The following C8orf89 variants were observed in gnomAD, a reference collection of about 807,000 sequenced individuals.
The protein encoded by C8orf89 is chromosome 8 open reading frame 89, also known as putative uncharacterized protein C8orf89.
A neutral mutation model predicts 15.8 loss-of-function variants in C8orf89; 14 were observed. The ratio of observed to expected loss-of-function variants is 0.89; its 90% CI spans 0.59 to 1.39. C8orf89 has a LOEUF of 1.39. C8orf89 is among the 40% of genes most tolerant of loss of function. The pLI is 0.00. For synonymous variants in C8orf89, 55 were observed against 62.2 expected (o/e 0.88, Z 0.54); for missense variants, 181 against 184.5 (o/e 0.98, Z 0.11).
chr8:73,256,659 C>T lies in C8orf89; in HGVS notation c.281+314G>A, dbSNP rs569709774. Among the ~76,000 whole-genome samples, 10 of 130,544 alleles carry T rather than the reference C, an allele frequency of 7.7e-5. No homozygotes were observed. In the South Asian group the frequency reaches 2.6e-3, roughly 34 times the overall value. The allele number at this position is 130,544 out of a possible 152,430, so 85.6% of individuals were successfully genotyped here. On this transcript the variant is annotated intron_variant, in intron 2 of 3. Transcript: ENST00000624510. Reference sequence around the variant, plus strand: ...AGGAGAATCGCTGGAATCCGGGAGGCGGAGGTTGCAGTGAGCCAAGATCAC... The same window carrying T: ...AGGAGAATCGCTGGAATCCGGGAGGTGGAGGTTGCAGTGAGCCAAGATCAC...
chr8:73,266,114 A>C, the C8orf89 span, among the ~76,000 whole-genome samples: 1 of 152,238 alleles, frequency 6.6e-6, no homozygotes, highest in African/African-American at 2.4e-5. Flanking sequence ...AGGTATCTTA[A>C]CTTTTAAAAA....
At chr8:73,241,950 A>G (rs1223217162) in intron 3 of C8orf89, among the ~76,000 whole-genome samples, 1 of 152,174 alleles carries the variant, frequency 6.6e-6, no homozygotes, top group African/African-American at 2.4e-5. Context: ...GATTATGCAG[A>G]AAAATGAAAC....
At chr8:73,261,508 G>C (rs938144463), upstream of C8orf89, among the ~76,000 whole-genome samples, 1 of 152,084 alleles carries the variant, frequency 6.6e-6, no homozygotes, top group Middle Eastern at 3.2e-3. Flanking sequence ...CCTCAGCAAT[G>C]GGGGAGTAGG....
chr8:73,241,862 A>G (rs1813013932), intron 3 of C8orf89, among the ~76,000 whole-genome samples: 1 of 152,208 alleles, frequency 6.6e-6, no homozygotes, highest in South Asian at 2.1e-4. Flanking sequence ...AGTGCCAAGA[A>G]TATACACTAG....
chr8:73,257,110 A>G lies in C8orf89; in HGVS notation c.144T>C (p.Phe48=). ...QKIKKEYTTA[F]GLEELKECIK... ...TACATTCCTTGAGCTCTTCTAGACC[A>G]AATGCTGTGGTATATTCTGGTTAAA... The change falls in exon 2 of 4, where the codon TTT becomes TTC. Residue 48 remains phenylalanine (F), a synonymous_variant. Coordinates refer to ENST00000624510, the MANE Select transcript of C8orf89 (RefSeq NM_001243237.3). 6.5e-7 allele frequency: 1 copy of G among 1,532,630 alleles called. No individual in the cohort carries two copies. The highest frequency in any genetic ancestry group is 8.7e-7 in the Non-Finnish European group (1 of 1,144,948). 94.9% of individuals were successfully genotyped at this position (1,532,630 alleles called of 1,614,324 possible).
the C8orf89 span, chr8:73,277,729 C>A: frequency 4.0e-6 from 3 of 747,410 alleles, no homozygotes; most frequent in Non-Finnish European, 7.6e-6. Context: ...GAGGGGGACA[C>A]CCAGCTCGTC....
the C8orf89 span, chr8:73,277,985 G>T: frequency 3.2e-5 from 20 of 622,882 alleles, 1 homozygote; most frequent in Non-Finnish European, 5.5e-5. Flanking sequence ...AGCCCCCAGG[G>T]CTCTTGCACC....
At chr8:73,271,747 A>G in the C8orf89 span, among the ~76,000 whole-genome samples, 1 of 152,174 alleles carries the variant, frequency 6.6e-6, no homozygotes, top group Non-Finnish European at 1.5e-5. Flanking sequence ...TGCAATTTAC[A>G]CAAGAAAGAG....
the C8orf89 span, among the ~76,000 whole-genome samples, chr8:73,280,175 A>G: frequency 1.3e-5 from 2 of 152,148 alleles, no homozygotes; most frequent in African/African-American, 4.8e-5. Context: ...TTTCTCTGTG[A>G]ACATTCCTTC....
At chr8:73,275,469 C>G in the C8orf89 span, among the ~76,000 whole-genome samples, 3 of 152,052 alleles carry the variant, frequency 2.0e-5, no homozygotes, top group African/African-American at 7.2e-5. Context: ...AACTCCTGAC[C>G]TCAAGTGATC....
chr8:73,274,384 C>A, the C8orf89 span, among the ~76,000 whole-genome samples: 1 of 152,146 alleles, frequency 6.6e-6, no homozygotes, highest in African/African-American at 2.4e-5. Flanking sequence ...ACCTCCTGAC[C>A]TTGTGATCCG....
chr8:73,256,815 T>TA, intron 2 of C8orf89, among the ~76,000 whole-genome samples, 158 bp downstream of exon 2: 1 of 110,398 alleles, frequency 9.1e-6, no homozygotes, highest in East Asian at 2.7e-4. Flanking sequence ...TCAAACTGAA[T>TA]AAAATAGCTT....
chr8:73,269,791 AAGCTGT>A, the C8orf89 span, among the ~76,000 whole-genome samples: 1 of 152,218 alleles, frequency 6.6e-6, no homozygotes, highest in Non-Finnish European at 1.5e-5. Context: ...AAGCTTCAAA[AAGCTGT>A]AGCTTTCACT....
chr8:73,265,821 C>T, the C8orf89 span, among the ~76,000 whole-genome samples: 1 of 152,178 alleles, frequency 6.6e-6, no homozygotes, highest in Non-Finnish European at 1.5e-5. Context: ...ATGTTTCCTT[C>T]CAGATTCCCT....
chr8:73,263,671 A>G (rs1349331539), upstream of C8orf89, among the ~76,000 whole-genome samples: 2 of 152,186 alleles, frequency 1.3e-5, no homozygotes, highest in African/African-American at 4.8e-5. Context: ...AACATCTGTC[A>G]TGTCAAGCAT....
At chr8:73,265,906 C>T in the C8orf89 span, among the ~76,000 whole-genome samples, 2 of 152,204 alleles carry the variant, frequency 1.3e-5, no homozygotes, top group Non-Finnish European at 2.9e-5. Context: ...CCCCTCTTTC[C>T]TCCTAAATCT....
the C8orf89 span, among the ~76,000 whole-genome samples, chr8:73,283,858 G>A: frequency 6.6e-6 from 1 of 151,874 alleles, no homozygotes; most frequent in Admixed American, 6.6e-5. Context: ...TGGCCAACAT[G>A]GTGAAACCCC....
chr8:73,253,212 C>T (rs1813288103), intron 2 of C8orf89, among the ~76,000 whole-genome samples: 1 of 152,182 alleles, frequency 6.6e-6, no homozygotes, highest in Non-Finnish European at 1.5e-5. Context: ...AAAGCAGAAG[C>T]TGAGTAGAAT....
chr8:73,282,235 CA>C, the C8orf89 span, among the ~76,000 whole-genome samples: 116 of 152,278 alleles, frequency 7.6e-4, no homozygotes, highest in African/African-American at 2.7e-3. Flanking sequence ...ATTCTGCCTG[CA>C]CAGAATTTCC....
Sources: gnomAD v4.1 joint callset for allele counts (sites outside exome capture counted in the v4.1 genomes callset) on GRCh38, gnomAD v4.1.1 for gene constraint, MANE v1.5 for transcripts, NCBI Gene and HGNC (gene_info 2026-07-23, HGNC 2026-07-21) for gene names.